MARK1: variants seen among roughly 807,000 people sequenced by gnomAD.
The protein encoded by MARK1 is serine/threonine-protein kinase MARK1.
A neutral mutation model predicts 96.3 loss-of-function variants in MARK1; 40 were observed. The ratio of observed to expected loss-of-function variants is 0.42; its 90% CI spans 0.32 to 0.54. The LOEUF (loss-of-function observed/expected upper bound fraction) is 0.54. Ranked by LOEUF, MARK1 falls within the 20% of genes least tolerant of loss-of-function variation. MARK1 has a pLI of 0.16. For missense variants in MARK1, 719 were observed against 984.6 expected (o/e 0.73, Z 3.61); for synonymous variants, 317 against 341.2 (o/e 0.93, Z 0.78).
At chr1:220,609,794 T>C (rs1192529024) in intron 6 of MARK1, among the ~76,000 whole-genome samples, 2 of 152,220 alleles carry the variant, frequency 1.3e-5, no homozygotes, top group African/African-American at 4.8e-5. Flanking sequence ...TAAAGGATTT[T>C]ATTTCTCCTT....
intron 6 of MARK1, among the ~76,000 whole-genome samples, chr1:220,608,520 G>T (rs1475244011): frequency 1.3e-5 from 2 of 151,984 alleles, no homozygotes; most frequent in Non-Finnish European, 2.9e-5. Flanking sequence ...TGGATTCATT[G>T]ATTTTTTTGA....
chr1:220,584,850 A>G (rs1664485520), intron 3 of MARK1, among the ~76,000 whole-genome samples: 1 of 152,238 alleles, frequency 6.6e-6, no homozygotes, highest in South Asian at 2.1e-4. Flanking sequence ...TATTGGACAT[A>G]TATTGAAATA....
At position 220,618,400 on chromosome 1, in the gene MARK1, A is replaced by T; in HGVS notation, c.643A>T (p.Thr215Ser). 6.2e-7 allele frequency: 1 copy of T among 1,614,080 alleles called. No homozygotes were observed. The highest frequency in any genetic ancestry group is 8.5e-7 in the Non-Finnish European group (1 of 1,179,934). ...NEFTVGNKLDTFCGSPPYAAP... is the reference protein window; with the variant it reads ...NEFTVGNKLDSFCGSPPYAAP... The stretch of plus-strand genomic sequence containing the variant: ...ATTTACAGTTGGGAACAAATTGGAC[A>T]CATTTTGTGGAAGCCCACCCTATGC... Residue 215 changes from threonine (T) to serine (S), a missense_variant, in exon 8 of 18, where the codon ACA (threonine) becomes TCA (serine). Physicochemically the swap from Thr to Ser is moderately conservative, Grantham distance 58. Coordinates refer to ENST00000366917, the MANE Select transcript of MARK1 (RefSeq NM_018650.5). The surrounding 1 kb of genome is among the most constrained non-coding windows in gnomAD (Gnocchi z 4.6).
chr1:220,617,859 GAT>G (rs890971817), intron 7 of MARK1, among the ~76,000 whole-genome samples: 2 of 152,144 alleles, frequency 1.3e-5, no homozygotes, highest in African/African-American at 4.8e-5. Context: ...AGTTACTGTA[GAT>G]ATACCTTTGA....
intron 3 of MARK1, among the ~76,000 whole-genome samples, chr1:220,584,426 A>G (rs960237669): frequency 2.0e-5 from 3 of 152,242 alleles, no homozygotes; most frequent in African/African-American, 7.2e-5. Flanking sequence ...GATTTTACAC[A>G]AACAGGAAAA....
intron 1 of MARK1, among the ~76,000 whole-genome samples, chr1:220,551,245 G>T (rs1296983952): frequency 6.6e-6 from 1 of 152,244 alleles, no homozygotes; most frequent in African/African-American, 2.4e-5. Context: ...CATCAGCTAT[G>T]TCAAGCGTGA....
At chr1:220,641,326 C>T (rs1481904855) in intron 13 of MARK1, among the ~76,000 whole-genome samples, 1 of 152,012 alleles carries the variant, frequency 6.6e-6, no homozygotes, top group Non-Finnish European at 1.5e-5. Flanking sequence ...TCATGAGGGC[C>T]CTCACGAATG....
At chr1:220,537,265 A>G (rs1660771094) in intron 1 of MARK1, among the ~76,000 whole-genome samples, 1 of 114,000 alleles carries the variant, frequency 8.8e-6, no homozygotes, top group Non-Finnish European at 1.7e-5. Context: ...CAGTCCCCAG[A>G]GTGTGATGTT....
intron 1 of MARK1, among the ~76,000 whole-genome samples, chr1:220,556,871 T>A (rs1662299292): frequency 6.6e-6 from 1 of 152,092 alleles, no homozygotes; most frequent in African/African-American, 2.4e-5. Context: ...CATAGAGAAA[T>A]AGGGACTGAG....
intron 7 of MARK1, among the ~76,000 whole-genome samples, chr1:220,617,596 T>C (rs757085118): frequency 1.3e-5 from 2 of 152,216 alleles, no homozygotes; most frequent in African/African-American, 2.4e-5. Flanking sequence ...ATGTAAAATA[T>C]TGTCTTTGAG....
intron 1 of MARK1, among the ~76,000 whole-genome samples, chr1:220,539,801 A>G (rs1470514535): frequency 6.6e-6 from 1 of 150,712 alleles, no homozygotes; most frequent in African/African-American, 2.4e-5. Context: ...GAATTTTTAT[A>G]TTGATATGCA....
intron 1 of MARK1, among the ~76,000 whole-genome samples, chr1:220,540,687 T>C (rs1661078434): frequency 6.6e-6 from 1 of 151,310 alleles, no homozygotes; most frequent in Non-Finnish European, 1.5e-5. Flanking sequence ...GTTGTATTAT[T>C]TCCTCTTTCA....
intron 3 of MARK1, among the ~76,000 whole-genome samples, chr1:220,581,431 T>G (rs1664235265): frequency 6.6e-6 from 1 of 152,186 alleles, no homozygotes; most frequent in South Asian, 2.1e-4. Context: ...TTTCAAGTAT[T>G]CAGAATTGAC....
Position 220,644,460 on chromosome 1 carries a change from CCCA to C in MARK1, c.1471-6158_1471-6156del, listed in dbSNP as rs1424866635. Among the ~76,000 whole-genome samples the C allele has an allele frequency of 2.7e-4, 21 of 78,444 alleles. No homozygotes were observed. The East Asian group carries it at 3.9e-3, about 14-fold the overall frequency. 51.5% of individuals were successfully genotyped at this position (78,444 alleles called of 152,430 possible). On this transcript the variant is annotated intron_variant, in intron 13 of 17. Coordinates refer to ENST00000366917, the MANE Select transcript of MARK1 (RefSeq NM_018650.5). ...ACAAAGAGACTTAGACCCCCCCCCC[CCCA>C]CACACACACAATAATAGTGGAAGAC...
chr1:220,651,584 A>G (rs1179300551), intron 14 of MARK1, among the ~76,000 whole-genome samples: 1 of 152,194 alleles, frequency 6.6e-6, no homozygotes, highest in African/African-American at 2.4e-5. Flanking sequence ...TGGTATAATT[A>G]TCAATTCTGA....
At chr1:220,642,197 A>T (rs1668310753) in intron 13 of MARK1, among the ~76,000 whole-genome samples, 1 of 152,182 alleles carries the variant, frequency 6.6e-6, no homozygotes, top group South Asian at 2.1e-4. Context: ...TGGAATCCCC[A>T]CTGGCCAGCA....
intron 6 of MARK1, among the ~76,000 whole-genome samples, chr1:220,607,661 TG>T (rs1181959623): frequency 2.0e-5 from 3 of 152,206 alleles, no homozygotes; most frequent in Non-Finnish European, 4.4e-5. Context: ...TTCCAGTTTT[TG>T]CCCATTCAGT....
At chr1:220,576,560 G>T (rs753018372) in intron 1 of MARK1, 3 of 152,118 alleles carry the variant, frequency 2.0e-5, no homozygotes, top group Non-Finnish European at 1.5e-5. Flanking sequence ...TCAAAATGTG[G>T]TATAGTATTA....
chr1:220,657,706 A>C, intron 16 of MARK1, 84 bp from the exon 17 acceptor site: 3 of 966,570 alleles, frequency 3.1e-6, no homozygotes, highest in African/African-American at 1.7e-5. Context: ...TCAACAAGCT[A>C]ATTTTAAAAT....
Sources: allele counts gnomAD v4.1 joint callset (sites outside exome capture counted in the v4.1 genomes callset), GRCh38; gene constraint gnomAD v4.1.1; non-coding constraint Gnocchi (gnomAD v3.1); transcripts MANE v1.5; gene names NCBI Gene and HGNC (gene_info 2026-07-23, HGNC 2026-07-21).